Variants in EIF4G3 observed in about 807,000 individuals in gnomAD.
The protein encoded by EIF4G3 is eukaryotic translation initiation factor 4 gamma 3.
EIF4G3 carries 34 observed loss-of-function variants against 186.4 expected under a neutral mutation model. The ratio of observed to expected loss-of-function variants is 0.18; its 90% CI spans 0.14 to 0.24. EIF4G3 has a LOEUF of 0.24. Among genes scored for constraint, EIF4G3 ranks in the 10% least tolerant of loss-of-function variants. The pLI is 1.00. For synonymous variants in EIF4G3, 673 were observed against 679.5 expected (o/e 0.99, Z 0.15); for missense variants, 1,536 against 1,948.5 (o/e 0.79, Z 3.99).
intron 11 of EIF4G3, among the ~76,000 whole-genome samples, chr1:20,970,024 CGCAATCTCGGCTCACT>C (rs2075505940): frequency 6.6e-6 from 1 of 151,844 alleles, no homozygotes; most frequent in African/African-American, 2.4e-5. Flanking sequence ...AGTGCAGTGG[CGCAATCTCGGCTCACT>C]GCAATCTCCG....
At position 20,997,596 on chromosome 1, in the gene EIF4G3, A is replaced by T. The variant is rs1183186664; in HGVS notation, c.177+5T>A. On this transcript the variant is annotated splice_donor_5th_base_variant and intron_variant, in intron 7 of 36. Coordinates refer to ENST00000602326, the MANE Select transcript of EIF4G3 (RefSeq NM_001391906.1). ...GGTGATAGTGAAGGGGCAAGGGTAC[A>T]GTACCTGATGATGGGGAGGTCGAGG... The T allele has an allele frequency of 4.5e-6, 7 of 1,549,718 alleles. No homozygotes were observed. The East Asian group carries it at 1.5e-4, about 32-fold the overall frequency.
intron 10 of EIF4G3, 98 bp from the exon 11 acceptor site, chr1:20,973,197 G>A: frequency 3.5e-6 from 3 of 854,332 alleles, no homozygotes; most frequent in Non-Finnish European, 3.6e-6. Flanking sequence ...CCCTTAAAAG[G>A]GTAAAAACAA....
At chr1:21,013,706 G>A (rs1344478364) in intron 4 of EIF4G3, among the ~76,000 whole-genome samples, 1 of 152,194 alleles carries the variant, frequency 6.6e-6, no homozygotes, top group African/African-American at 2.4e-5. Context: ...CCAGGAATCT[G>A]GGGAAAAGTG....
At chr1:20,971,292 GGA>G (rs2075843445) in intron 11 of EIF4G3, among the ~76,000 whole-genome samples, 1 of 152,110 alleles carries the variant, frequency 6.6e-6, no homozygotes, top group Non-Finnish European at 1.5e-5. Context: ...CGCTTTTAGG[GGA>G]GTCCTTCAAT....
chr1:21,121,512 C>T (rs529286919), intron 2 of EIF4G3, among the ~76,000 whole-genome samples: 5 of 152,176 alleles, frequency 3.3e-5, no homozygotes, highest in East Asian at 1.9e-4. Flanking sequence ...CAGTGGCTCA[C>T]GCCTATAATC....
chr1:21,075,106 G>T (rs1334971555), intron 3 of EIF4G3, among the ~76,000 whole-genome samples: 4 of 151,810 alleles, frequency 2.6e-5, no homozygotes, highest in African/African-American at 9.7e-5. Flanking sequence ...AGGAACAAAG[G>T]ATATACAAAA....
At chr1:20,872,237 C>G (rs56090851) in intron 20 of EIF4G3, among the ~76,000 whole-genome samples, 7,979 of 152,096 alleles carry the variant, frequency 0.052, 329 homozygotes, top group Admixed American at 0.12. Flanking sequence ...ATCCTCTTGC[C>G]TCAGCCTTTG....
intron 2 of EIF4G3, among the ~76,000 whole-genome samples, chr1:21,090,473 G>C (rs1255222548): frequency 6.6e-6 from 1 of 152,172 alleles, no homozygotes; most frequent in African/African-American, 2.4e-5. Context: ...ATGCAGAAAA[G>C]AGAGGACCAA....
At chr1:21,158,902 CTATGATGAG>C (rs1291146202) in intron 2 of EIF4G3, among the ~76,000 whole-genome samples, 2 of 151,634 alleles carry the variant, frequency 1.3e-5, no homozygotes, top group African/African-American at 4.9e-5. Context: ...CAATTGTTAC[CTATGATGAG>C]TAAAGACACT....
chr1:21,073,887 G>A (rs2095512444), intron 3 of EIF4G3: 1 of 229,404 alleles, frequency 4.4e-6, no homozygotes, highest in South Asian at 6.0e-5. Flanking sequence ...GCTCACTGCA[G>A]CCTTGACCTC....
intron 4 of EIF4G3, among the ~76,000 whole-genome samples, chr1:21,017,806 GA>G (rs1326759378): frequency 6.6e-6 from 1 of 151,916 alleles, no homozygotes; most frequent in East Asian, 1.9e-4. Flanking sequence ...CCAAAATTCA[GA>G]AAAATCTGAA....
At chr1:21,068,393 A>AAAAAAAAAAAAAAAAAAAAAAAAAT (rs2095335126) in intron 3 of EIF4G3, among the ~76,000 whole-genome samples, 1 of 145,504 alleles carries the variant, frequency 6.9e-6, no homozygotes, top group Non-Finnish European at 1.5e-5. Flanking sequence ...AAAAAAAAAA[A>AAAAAAAAAAAAAAAAAAAAAAAAAT]AAAAAAACAG....
At chr1:20,963,010 C>T (rs1391777528) in intron 12 of EIF4G3, among the ~76,000 whole-genome samples, 1 of 148,166 alleles carries the variant, frequency 6.7e-6, no homozygotes, top group African/African-American at 2.5e-5. Context: ...CCTCAGTTTT[C>T]CAAAGTGCTG....
At chr1:20,974,874 C>T (rs554381269) in intron 10 of EIF4G3, among the ~76,000 whole-genome samples, 14 of 152,004 alleles carry the variant, frequency 9.2e-5, no homozygotes, top group African/African-American at 2.4e-4. Context: ...ATTGATTCAC[C>T]GTAACAAGAA....
rs572141601 is a variant in EIF4G3, at chr1:21,097,368, T to C, written c.-271-8155A>G. Among the ~76,000 whole-genome samples, 3 of 152,316 alleles carry C rather than the reference T, an allele frequency of 2.0e-5. No individual in the cohort carries two copies. In the South Asian group the frequency reaches 6.2e-4, roughly 32 times the overall value. ...GCAGTCATCCACAGCATCTTCAACT[T>C]GACATATCCTCTACCTCAGTATCTC... On this transcript the variant is annotated intron_variant, in intron 2 of 36. Transcript: ENST00000602326.
intron 2 of EIF4G3, among the ~76,000 whole-genome samples, chr1:21,140,913 A>C (rs945839340): frequency 2.6e-5 from 4 of 152,238 alleles, no homozygotes; most frequent in Admixed American, 2.6e-4. Context: ...TAAGGGAAAA[A>C]TAACGTGTTC....
chr1:21,073,615 G>A (rs978159374), intron 3 of EIF4G3: 3 of 513,650 alleles, frequency 5.8e-6, no homozygotes, highest in South Asian at 2.8e-5. Context: ...ACCCCTCTAA[G>A]TCTCCCTGGG....
intron 31 of EIF4G3, among the ~76,000 whole-genome samples, chr1:20,828,094 G>A (rs1306568909): frequency 6.8e-6 from 1 of 147,252 alleles, no homozygotes; most frequent in Non-Finnish European, 1.5e-5. Context: ...GTGCAGTGGC[G>A]CAATCTTGGC....
At chr1:20,898,595 T>C (rs1461423233) in intron 16 of EIF4G3, among the ~76,000 whole-genome samples, 1 of 152,234 alleles carries the variant, frequency 6.6e-6, no homozygotes, top group Non-Finnish European at 1.5e-5. Context: ...CTATTAAATG[T>C]ATTAAATCCA....
Sources: gnomAD v4.1 joint callset for allele counts (sites outside exome capture counted in the v4.1 genomes callset) on GRCh38, gnomAD v4.1.1 for gene constraint, MANE v1.5 for transcripts, NCBI Gene and HGNC (gene_info 2026-07-23, HGNC 2026-07-21) for gene names.